JARID2: variants seen among roughly 807,000 people sequenced by gnomAD.
JARID2 encodes protein Jumonji.
In JARID2, 21 loss-of-function variants were observed where a neutral mutation model predicts 125.6. The observed-to-expected ratio is 0.17, with a 90% CI of 0.12 to 0.24. The LOEUF is 0.24. JARID2 is among the 10% of genes least tolerant of loss of function. The probability of loss-of-function intolerance (pLI) is 1.00; values close to 1 mark genes in which losing one functional copy is unlikely to be tolerated. For synonymous variants in JARID2, 736 were observed against 661.6 expected (o/e 1.11, Z -1.73); for missense variants, 1,303 against 1,639.6 (o/e 0.79, Z 3.55).
At chr6:15,284,678 G>C (rs781601646) in intron 1 of JARID2, among the ~76,000 whole-genome samples, 1 of 151,872 alleles carries the variant, frequency 6.6e-6, no homozygotes, top group Non-Finnish European at 1.5e-5. Context: ...GTAGAGACGG[G>C]GTTTTACCAT....
At chr6:15,368,605 G>C (rs1764056964) in intron 1 of JARID2, 1 of 418,600 alleles carries the variant, frequency 2.4e-6, no homozygotes. Flanking sequence ...AAAAGAGAAG[G>C]GTTTGAGAGA....
At chr6:15,322,223 T>C (rs1254211090) in intron 1 of JARID2, among the ~76,000 whole-genome samples, 3 of 152,216 alleles carry the variant, frequency 2.0e-5, no homozygotes, top group African/African-American at 4.8e-5. Context: ...GGGTCATTTG[T>C]TGAAGCTTAG....
At chr6:15,343,024 G>GT (rs1190854980) in intron 1 of JARID2, among the ~76,000 whole-genome samples, 1 of 152,092 alleles carries the variant, frequency 6.6e-6, no homozygotes, top group East Asian at 1.9e-4. Context: ...GAGGTCAGGA[G>GT]TTTGAGACCA....
chr6:15,410,144 G>C, intron 2 of JARID2, 80 bp from the exon 3 acceptor site: 1 of 1,279,750 alleles, frequency 7.8e-7, no homozygotes, highest in East Asian at 2.4e-5. Flanking sequence ...CTTCATCAGC[G>C]TTGTGTAGGG....
At position 15,500,083 on chromosome 6, in the gene JARID2, C is replaced by T. The variant is rs568544441; in HGVS notation, c.1946-824C>T. On this transcript the variant is annotated intron_variant, in intron 7 of 17. Coordinates refer to ENST00000341776, the MANE Select transcript of JARID2 (RefSeq NM_004973.4). ...TGGTTATTTTGGAAAATCTCCCCTACCCCCCTTCCTTTATTTGGCCCGAGG... is the reference window on the plus strand; with the variant it reads ...TGGTTATTTTGGAAAATCTCCCCTATCCCCCTTCCTTTATTTGGCCCGAGG... Among the ~76,000 whole-genome samples the T allele has an allele frequency of 5.9e-5, 9 of 152,306 alleles. No individual in the cohort carries two copies. In the South Asian group the frequency reaches 1.7e-3, roughly 28 times the overall value.
chr6:15,248,920 G>T, intron 1 of JARID2: 3 of 985,782 alleles, frequency 3.0e-6, no homozygotes, highest in Non-Finnish European at 2.4e-6. Context: ...AGGAAGATGC[G>T]CTCGGCCTCT....
rs1581462587 is a variant in JARID2 at position 15,366,494 on chromosome 6, T to C, written c.46-7623T>C. 2.4e-4 allele frequency among the ~76,000 whole-genome samples: 3 copies of C among 12,672 alleles called. No homozygotes were observed. In the South Asian group the frequency reaches 7.5e-3, roughly 32 times the overall value. 8.3% of individuals were successfully genotyped at this position (12,672 alleles called of 152,430 possible). On this transcript the variant is annotated intron_variant, in intron 1 of 17. Coordinates refer to ENST00000341776, the MANE Select transcript of JARID2 (RefSeq NM_004973.4). The stretch of plus-strand genomic sequence containing the variant: ...ACCTGTAGAGCTCTAGCGATCTCTA[T>C]ATGTGGGTGGGGGGCGGGGGGGGCG...
At chr6:15,349,424 C>T (rs941748162) in intron 1 of JARID2, among the ~76,000 whole-genome samples, 1 of 152,102 alleles carries the variant, frequency 6.6e-6, no homozygotes, top group Non-Finnish European at 1.5e-5. Flanking sequence ...ATGACTTGGA[C>T]GTTTTCAGAA....
intron 2 of JARID2, among the ~76,000 whole-genome samples, chr6:15,378,981 C>T (rs1364739979): frequency 4.6e-5 from 7 of 152,144 alleles, no homozygotes; most frequent in Non-Finnish European, 1.0e-4. Flanking sequence ...TATCTGATGC[C>T]TGGGAACAGT....
chr6:15,332,619 G>C (rs987585803), intron 1 of JARID2, among the ~76,000 whole-genome samples: 2 of 152,192 alleles, frequency 1.3e-5, no homozygotes, highest in African/African-American at 4.8e-5. Flanking sequence ...GCTTGCAGCT[G>C]TGGTGGGCGC....
In JARID2 at chr6:15,299,634, C is replaced by T. The variant is rs191262322; in HGVS notation, c.45+53050C>T. Among the ~76,000 whole-genome samples the T allele has an allele frequency of 3.4e-3, 525 of 152,202 alleles. 2 individuals carry two copies. The highest frequency in any genetic ancestry group is 0.012 in the African/African-American group (496 of 41,530). On this transcript the variant is annotated intron_variant, in intron 1 of 17. Transcript: ENST00000341776. Reference sequence around the variant, plus strand: ...GGGGGAAATAAGAAGACTGCCAAAACCTGTGGCTTGTGTCTCAGTTCCCTT... The same window carrying T: ...GGGGGAAATAAGAAGACTGCCAAAATCTGTGGCTTGTGTCTCAGTTCCCTT...
intron 1 of JARID2, among the ~76,000 whole-genome samples, chr6:15,357,788 C>A (rs1160490348): frequency 6.6e-6 from 1 of 152,132 alleles, no homozygotes; most frequent in Non-Finnish European, 1.5e-5. Context: ...TATGTTGTGT[C>A]TTTTAGGACG....
At chr6:15,360,105 C>T (rs939472836) in intron 1 of JARID2, among the ~76,000 whole-genome samples, 2 of 152,044 alleles carry the variant, frequency 1.3e-5, no homozygotes, top group Non-Finnish European at 2.9e-5. Context: ...TGAGTAATTT[C>T]TCTTTCTATC....
chr6:15,477,965 A>G lies in JARID2; in HGVS notation c.670+9247A>G, dbSNP rs566858112. Reference sequence around the variant, plus strand: ...TGACATCATCAGCCTCGCCAGAACTATGTTGTGGGCTGTTTCAGTGTGGTA... The same window carrying G: ...TGACATCATCAGCCTCGCCAGAACTGTGTTGTGGGCTGTTTCAGTGTGGTA... On this transcript the variant is annotated intron_variant, in intron 5 of 17. Coordinates refer to ENST00000341776, the MANE Select transcript of JARID2 (RefSeq NM_004973.4). Among the ~76,000 whole-genome samples the G allele has an allele frequency of 1.4e-4, 21 of 152,276 alleles. No homozygotes were observed. The South Asian group carries it at 3.9e-3, about 29-fold the overall frequency.
chr6:15,277,488 A>AT (rs1281965664), intron 1 of JARID2, among the ~76,000 whole-genome samples: 1 of 152,004 alleles, frequency 6.6e-6, no homozygotes. Flanking sequence ...CAGATGAGAG[A>AT]TTTTGGCTCT....
At chr6:15,379,574 A>G (rs1345980022) in intron 2 of JARID2, among the ~76,000 whole-genome samples, 1 of 152,242 alleles carries the variant, frequency 6.6e-6, no homozygotes, top group Non-Finnish European at 1.5e-5. Context: ...TCTTAGATCA[A>G]GTCCTTTGGC....
rs74708110 is a variant in JARID2, at chr6:15,364,656, T to C, written c.46-9461T>C. Among the ~76,000 whole-genome samples the C allele has an allele frequency of 7.4e-3, 1,131 of 152,330 alleles. 15 individuals carry two copies. Among genetic ancestry groups the C allele is most frequent in the African/African-American group, 0.026 (1,073 of 41,574 alleles). On this transcript the variant is annotated intron_variant, in intron 1 of 17. Coordinates refer to ENST00000341776, the MANE Select transcript of JARID2 (RefSeq NM_004973.4). ...AAAGATTTCTTATCTCCCACAGTTT[T>C]CTTGGTAAATGGAGTAACACATAAG...
intron 3 of JARID2, among the ~76,000 whole-genome samples, chr6:15,411,185 GA>G (rs3839643): frequency 0.43 from 65,311 of 150,372 alleles, 14,146 homozygotes; most frequent in Admixed American, 0.49. Context: ...TGAAGGAAAA[GA>G]AAAAAAAAAT....
intron 6 of JARID2, among the ~76,000 whole-genome samples, chr6:15,488,356 G>A (rs1769984357): frequency 6.6e-6 from 1 of 152,330 alleles, no homozygotes; most frequent in South Asian, 2.1e-4. Flanking sequence ...CGGACAGGTG[G>A]CATTTCACTG....
Sources: gnomAD v4.1 joint callset for allele counts (sites outside exome capture counted in the v4.1 genomes callset) on GRCh38, gnomAD v4.1.1 for gene constraint, MANE v1.5 for transcripts, NCBI Gene and HGNC (gene_info 2026-07-23, HGNC 2026-07-21) for gene names.